IFT172: variants seen among roughly 807,000 people sequenced by gnomAD.
IFT172 encodes intraflagellar transport 172, also known as intraflagellar transport protein 172 homolog.
A neutral mutation model predicts 248.9 loss-of-function variants in IFT172; 164 were observed. The observed-to-expected ratio is 0.66, with a 90% CI of 0.58 to 0.75. The LOEUF (loss-of-function observed/expected upper bound fraction) is 0.75. Ranked by LOEUF, IFT172 falls within the 30% of genes least tolerant of loss-of-function variation. The pLI is 0.00. For missense variants in IFT172, 1,950 were observed against 2,192.4 expected, an observed-to-expected ratio of 0.89 and a Z score of 2.21; for synonymous variants, 729 against 791.6, an observed-to-expected ratio of 0.92 and a Z score of 1.33.
At chr2:27,468,908 A>G (rs1160301967) in intron 16 of IFT172, among the ~76,000 whole-genome samples, 1 of 152,072 alleles carries the variant, frequency 6.6e-6, no homozygotes, top group African/African-American at 2.4e-5. Flanking sequence ...TCACCTGTAC[A>G]GAAATGGCTG....
chr2:27,456,304 T>C (rs750270277), intron 30 of IFT172, among the ~76,000 whole-genome samples: 3 of 152,222 alleles, frequency 2.0e-5, no homozygotes, highest in Non-Finnish European at 2.9e-5. Flanking sequence ...GTCCTAGCTT[T>C]ACAATCTGTT....
rs113996042 is a variant in IFT172, at chr2:27,461,804, C to A, written c.2148G>T (p.Gln716His). The change falls in exon 21 of 48, where the codon CAG becomes CAT. Residue 716 changes from glutamine (Q) to histidine (H), a missense_variant. Physicochemically the swap from Gln to His is conservative, Grantham distance 24. This residue lies in a region of IFT172 where 1,166 missense variants were observed against 1,254.1 expected (regional missense o/e 0.93). Coordinates refer to ENST00000260570, the MANE Select transcript of IFT172 (RefSeq NM_015662.3). ...TACACTCATCCCAACGGTGTAGCTC[C>A]TGGTACATGCCCATGGCCTCCTCCA... is the stretch of plus-strand genomic sequence containing the variant. The part of the protein sequence containing the change: ...NAVEEAMGMY[Q>H]ELHRWDECIA... 19 of 1,614,188 alleles carry A rather than the reference C, an allele frequency of 1.2e-5. No individual in the cohort carries two copies. Among genetic ancestry groups the A allele is most frequent in the Admixed American group, 6.7e-5 (4 of 60,020 alleles).
Position 27,454,372 on chromosome 2 carries a change from G to A in IFT172, c.3512C>T (p.Pro1171Leu). ...AEAEFIRAGK[P>L]KEAVLMFVHN... ...AACTCACATGAGGACTGCCTCCTTG[G>A]GTTTACCAGCTCTGATGAATTCAGC... Residue 1171 changes from proline (P) to leucine (L), a missense_variant, in exon 32 of 48, where the codon CCC (proline) becomes CTC (leucine). This residue lies in a region of IFT172 where 164 missense variants were observed against 239.3 expected (regional missense o/e 0.69). Transcript: ENST00000260570. The surrounding 1 kb of genome is among the most constrained non-coding windows in gnomAD (Gnocchi z 4.2). 2 of 1,614,154 alleles carry A rather than the reference G, an allele frequency of 1.2e-6. No homozygotes were observed. Among genetic ancestry groups the A allele is most frequent in the Non-Finnish European group, 1.7e-6 (2 of 1,180,028 alleles).
chr2:27,444,988 T>G, intron 47 of IFT172, 26 bp downstream of exon 47: 1 of 1,609,756 alleles, frequency 6.2e-7, no homozygotes, highest in Non-Finnish European at 8.5e-7. Context: ...CTCTCTGCCT[T>G]CATTCTCCAA....
intron 15 of IFT172, chr2:27,471,366 G>GTT: frequency 6.1e-6 from 2 of 325,614 alleles, no homozygotes; most frequent in Non-Finnish European, 1.1e-5. Context: ...CTGGGCCAGA[G>GTT]TTACCAGCTT....
intron 33 of IFT172, 111 bp from the exon 34 acceptor site, chr2:27,453,850 C>T (rs990473394): frequency 8.7e-6 from 12 of 1,380,910 alleles, no homozygotes; most frequent in Non-Finnish European, 1.1e-5. Context: ...CTCTTCTCCT[C>T]CTCTTTCCTG....
chr2:27,473,553 G>C (rs373809131), intron 14 of IFT172, among the ~76,000 whole-genome samples: 97 of 150,892 alleles, frequency 6.4e-4, no homozygotes, highest in African/African-American at 2.3e-3. Flanking sequence ...CTCGTGATCC[G>C]CCTGTCTCAG....
At position 27,446,191 on chromosome 2, in the gene IFT172, GA is replaced by G; in HGVS notation, c.4755+68del. 3 of 1,485,340 alleles carry G rather than the reference GA, an allele frequency of 2.0e-6. No individual in the cohort carries two copies. In the Admixed American group the frequency reaches 5.0e-5, roughly 25 times the overall value. 92.0% of individuals were successfully genotyped at this position (1,485,340 alleles called of 1,614,324 possible). On this transcript the variant is annotated intron_variant, in intron 43 of 47. Coordinates refer to ENST00000260570, the MANE Select transcript of IFT172 (RefSeq NM_015662.3). ...CACTCAGCTTTCCTCTACCAGAGCA[GA>G]AGGGATATTCTATTTTCCAACCTTT...
intron 26 of IFT172, 82 bp downstream of exon 26, chr2:27,458,697 A>G: frequency 1.3e-6 from 2 of 1,500,692 alleles, no homozygotes; most frequent in Non-Finnish European, 1.8e-6. Context: ...AGCCAAGCGA[A>G]GAGGAGAAAC....
At chr2:27,463,434 G>A (rs1666836699) in intron 18 of IFT172, among the ~76,000 whole-genome samples, 1 of 151,478 alleles carries the variant, frequency 6.6e-6, no homozygotes, top group Admixed American at 6.6e-5. Flanking sequence ...GATCAAGCTT[G>A]TTCAACCCAT....
In IFT172 at chr2:27,444,408, C is replaced by A. The variant is rs1664843184; in HGVS notation, c.*24G>T. Reference sequence around the variant, plus strand: ...ATAAAACTTTAATGAGGGAGAGGCCCTAACTCTTCCTCAGCTCTACCAACT... The same window carrying A: ...ATAAAACTTTAATGAGGGAGAGGCCATAACTCTTCCTCAGCTCTACCAACT... On this transcript the variant is annotated 3_prime_UTR_variant, in exon 48 of 48. Transcript: ENST00000260570. 4 of 1,497,192 alleles carry A rather than the reference C, an allele frequency of 2.7e-6. No homozygotes were observed. Among genetic ancestry groups the A allele is most frequent in the Non-Finnish European group, 3.7e-6 (4 of 1,077,638 alleles). 92.7% of individuals were successfully genotyped at this position (1,497,192 alleles called of 1,614,324 possible). A position where few individuals can be genotyped will look rare whatever the true frequency, so the allele number is the denominator to read the frequency against.
chr2:27,470,557 G>A (rs555280397), intron 16 of IFT172, among the ~76,000 whole-genome samples: 1 of 152,222 alleles, frequency 6.6e-6, no homozygotes, highest in South Asian at 2.1e-4. Context: ...CAGGAGAGAA[G>A]AGCTGATCTG....
chr2:27,472,489 T>C (rs1455657000), intron 14 of IFT172, 127 bp from the exon 15 acceptor site: 4 of 700,078 alleles, frequency 5.7e-6, no homozygotes. Flanking sequence ...AGGTTTTGTT[T>C]AACTATGTTG....
chr2:27,450,648 T>G (rs1665574617), intron 35 of IFT172, among the ~76,000 whole-genome samples: 1 of 152,222 alleles, frequency 6.6e-6, no homozygotes, highest in Non-Finnish European at 1.5e-5. Flanking sequence ...TGGAGTGCAG[T>G]GGCACAATAT....
At chr2:27,455,003 T>C (rs890990224) in intron 30 of IFT172, among the ~76,000 whole-genome samples, 1 of 152,200 alleles carries the variant, frequency 6.6e-6, no homozygotes, top group African/African-American at 2.4e-5. Context: ...CCTGGTGCTC[T>C]CCATCTCTTC....
intron 18 of IFT172, among the ~76,000 whole-genome samples, chr2:27,463,519 ATTC>A (rs1014171441): frequency 4.1e-5 from 6 of 145,698 alleles, no homozygotes; most frequent in African/African-American, 1.5e-4. Context: ...TTTTTTTGTG[ATTC>A]TTTTCTCTTT....
At chr2:27,467,822 A>G (rs1667222129) in intron 16 of IFT172, among the ~76,000 whole-genome samples, 1 of 152,088 alleles carries the variant, frequency 6.6e-6, no homozygotes, top group African/African-American at 2.4e-5. Flanking sequence ...AAATATGTGT[A>G]TTCATAAACA....
At chr2:27,470,865 C>T (rs1558396373) in intron 16 of IFT172, 63 bp downstream of exon 16, 3 of 1,445,796 alleles carry the variant, frequency 2.1e-6, no homozygotes, top group Non-Finnish European at 2.8e-6. Flanking sequence ...CCTTCAGAGT[C>T]TCCTCATGGC....
At chr2:27,473,751 T>C (rs1328385449) in intron 14 of IFT172, among the ~76,000 whole-genome samples, 2 of 152,132 alleles carry the variant, frequency 1.3e-5, no homozygotes, top group African/African-American at 4.8e-5. Flanking sequence ...GGTCTACGAT[T>C]TTAGATACTC....
Sources: allele counts gnomAD v4.1 joint callset (sites outside exome capture counted in the v4.1 genomes callset), GRCh38; gene constraint gnomAD v4.1.1; regional missense constraint gnomAD v4.1.1; non-coding constraint Gnocchi (gnomAD v3.1); transcripts MANE v1.5; gene names NCBI Gene and HGNC (gene_info 2026-07-23, HGNC 2026-07-21).